The following TIA1 variants were observed in gnomAD, a reference collection of about 807,000 sequenced individuals.
The protein encoded by TIA1 is cytotoxic granule associated RNA binding protein TIA1.
Under a neutral mutation model 65.9 loss-of-function variants are expected in TIA1, and 23 were observed. That is an observed-to-expected ratio of 0.35 (90% confidence interval 0.25 to 0.49). The LOEUF (loss-of-function observed/expected upper bound fraction) is 0.49, where lower values mean the gene tolerates loss of function less well. Ranked by LOEUF, TIA1 falls within the 20% of genes least tolerant of loss-of-function variation. TIA1 has a pLI of 0.98. For missense variants in TIA1, 371 were observed against 477.9 expected, an observed-to-expected ratio of 0.78 and a Z score of 2.09; for synonymous variants, 147 against 149.4, an observed-to-expected ratio of 0.98 and a Z score of 0.12.
At chr2:70,235,398 A>C (rs1688376400) in intron 2 of TIA1, among the ~76,000 whole-genome samples, 1 of 152,154 alleles carries the variant, frequency 6.6e-6, no homozygotes, top group South Asian at 2.1e-4. Context: ...CTGGGCAACA[A>C]GAGCAAAACT....
intron 10 of TIA1, chr2:70,215,993 C>T: frequency 2.0e-6 from 1 of 503,790 alleles, no homozygotes; most frequent in South Asian, 2.6e-5. Context: ...TGACGGTGAT[C>T]CACCCGTCTC....
In TIA1 at chr2:70,211,156, CTT is replaced by C. The variant is rs1334561153; in HGVS notation, c.*1561_*1562del. 1 of 152,100 alleles carries C rather than the reference CTT, an allele frequency of 6.6e-6. No homozygotes were observed. Among genetic ancestry groups the C allele is most frequent in the Non-Finnish European group, 1.5e-5 (1 of 68,018 alleles). 9.4% of individuals were successfully genotyped at this position (152,100 alleles called of 1,614,324 possible). ...AAATATGTATACTGGGACCTTTCCT[CTT>C]GAGTAAAGGAAGAAGGAGGTTTGTG... On this transcript the variant is annotated 3_prime_UTR_variant, in exon 13 of 13. Transcript: ENST00000433529.
At chr2:70,222,574 T>C (rs896472374) in intron 7 of TIA1, among the ~76,000 whole-genome samples, 1 of 152,180 alleles carries the variant, frequency 6.6e-6, no homozygotes, top group African/African-American at 2.4e-5. Flanking sequence ...AAATTTTACA[T>C]AAGTTGAAAT....
chr2:70,221,861 C>G (rs1043236546), intron 7 of TIA1, among the ~76,000 whole-genome samples: 1 of 151,760 alleles, frequency 6.6e-6, no homozygotes, highest in African/African-American at 2.4e-5. Context: ...AATCTCAGCT[C>G]ACTGGATCCT....
In TIA1 at chr2:70,211,058, T is replaced by G. The variant is rs936363602; in HGVS notation, c.*1661A>C. On this transcript the variant is annotated 3_prime_UTR_variant, in exon 13 of 13. Transcript: ENST00000433529. ...GAAATGCAGGCCAGGAAACTTAAGA[T>G]TTTGCGGGCCTTTTCTGTTTCTAGG... 1 of 152,112 alleles carries G rather than the reference T, an allele frequency of 6.6e-6. No individual in the cohort carries two copies. Among genetic ancestry groups the G allele is most frequent in the Non-Finnish European group, 1.5e-5 (1 of 68,036 alleles). The allele number at this position is 152,112 out of a possible 1,614,324, so 9.4% of individuals were successfully genotyped here. A position where few individuals can be genotyped will look rare whatever the true frequency, so the allele number is the denominator to read the frequency against.
Position 70,216,919 on chromosome 2 carries a change from G to C in TIA1, c.550C>G (p.Arg184Gly), listed in dbSNP as rs1265803384. ...GTACTCTTTGGAGCGGGAGGCTTTC[G>C]GGTTGCCCAGTTAGTTCTGATTTGT... ...GRQIRTNWAT[R>G]KPPAPKSTYE... Residue 184 changes from arginine to glycine, a missense_variant, in exon 8 of 13, where the codon CGA (arginine) becomes GGA (glycine). Coordinates refer to ENST00000433529, the MANE Select transcript of TIA1 (RefSeq NM_022173.4). 3 of 1,613,844 alleles carry C rather than the reference G, an allele frequency of 1.9e-6. No homozygotes were observed. The highest frequency in any genetic ancestry group is 1.7e-5 in the Admixed American group (1 of 59,990).
Position 70,221,546 on chromosome 2 carries a change from G to C in TIA1, c.474+3008C>G, listed in dbSNP as rs557900348. Among the ~76,000 whole-genome samples, 196 of 152,026 alleles carry C rather than the reference G, an allele frequency of 1.3e-3. 1 individual carries two copies. The highest frequency in any genetic ancestry group is 2.5e-3 in the Non-Finnish European group (169 of 68,010). ...AATAGAGTGATGACACAGAATAGCA[G>C]TAATAACAAGAACAGCACATTATGA... On this transcript the variant is annotated intron_variant, in intron 7 of 12. Transcript: ENST00000433529.
In TIA1 at chr2:70,216,910, G is replaced by A. The variant is rs1290800782; in HGVS notation, c.559C>T (p.Pro187Ser). 2 of 1,613,894 alleles carry A rather than the reference G, an allele frequency of 1.2e-6. No homozygotes were observed. The highest frequency in any genetic ancestry group is 1.3e-5 in the African/African-American group (1 of 74,882). Residue 187 changes from proline to serine, a missense_variant, in exon 8 of 13, where the codon CCC (proline) becomes TCC (serine). Transcript: ENST00000433529. Reference protein sequence around the residue: ...IRTNWATRKPPAPKSTYESNT... With the variant: ...IRTNWATRKPSAPKSTYESNT... ...CACTCATATGTACTCTTTGGAGCGG[G>A]AGGCTTTCGGGTTGCCCAGTTAGTT...
chr2:70,215,692 G>T, intron 10 of TIA1, 198 bp from the exon 11 acceptor site: 1 of 514,342 alleles, frequency 1.9e-6, no homozygotes, highest in Non-Finnish European at 3.4e-6. Context: ...CACTGGCCTT[G>T]TGTTAGGGAG....
chr2:70,217,888 T>C (rs10519207), intron 7 of TIA1, among the ~76,000 whole-genome samples: 10,487 of 152,282 alleles, frequency 0.069, 401 homozygotes, highest in East Asian at 0.18. Flanking sequence ...GAGGTAGATA[T>C]CATAAAGTTC....
chr2:70,229,610 G>A (rs557574362), intron 3 of TIA1, among the ~76,000 whole-genome samples: 186 of 151,990 alleles, frequency 1.2e-3, no homozygotes, highest in Admixed American at 1.6e-3. Context: ...GAGTAATTCA[G>A]CAAATATTTT....
chr2:70,246,512 C>T (rs1255439483), intron 1 of TIA1, among the ~76,000 whole-genome samples: 1 of 152,094 alleles, frequency 6.6e-6, no homozygotes, highest in Non-Finnish European at 1.5e-5. Flanking sequence ...TACAGTATGA[C>T]TACTTTGAGG....
intron 5 of TIA1, chr2:70,228,601 C>T: frequency 9.0e-7 from 1 of 1,109,306 alleles, no homozygotes; most frequent in Non-Finnish European, 1.1e-6. Flanking sequence ...TTTAAAAATG[C>T]AAAATTGTTG....
chr2:70,217,074 G>A (rs1678915496), intron 7 of TIA1, 80 bp from the exon 8 acceptor site: 6 of 1,406,114 alleles, frequency 4.3e-6, no homozygotes, highest in Non-Finnish European at 5.6e-6. Flanking sequence ...GAGAAAACTT[G>A]GTGCTTTTCA....
intron 7 of TIA1, among the ~76,000 whole-genome samples, chr2:70,218,282 G>A (rs1270968059): frequency 1.3e-5 from 2 of 152,194 alleles, no homozygotes; most frequent in African/African-American, 2.4e-5. Flanking sequence ...GAAAAGTATT[G>A]CAAAGTGTGT....
chr2:70,231,275 C>T (rs1275991228), intron 2 of TIA1, among the ~76,000 whole-genome samples: 1 of 152,104 alleles, frequency 6.6e-6, no homozygotes, highest in Non-Finnish European at 1.5e-5. Flanking sequence ...GCACTCCAGC[C>T]TGGGCGACAG....
chr2:70,212,918 A>G, intron 12 of TIA1, 73 bp from the exon 13 acceptor site: 1 of 950,696 alleles, frequency 1.1e-6, no homozygotes, highest in Non-Finnish European at 1.7e-6. Flanking sequence ...GCAAGAACAA[A>G]CAACAAGAAC....
intron 7 of TIA1, 24 bp from the exon 8 acceptor site, chr2:70,217,018 A>G (rs1279115637): frequency 7.6e-6 from 12 of 1,588,250 alleles, no homozygotes; most frequent in Non-Finnish European, 1.0e-5. Flanking sequence ...CATTAGAAAC[A>G]ATAAAGAAGT....
chr2:70,247,523 C>T (rs1054593898), intron 1 of TIA1, among the ~76,000 whole-genome samples: 13 of 152,060 alleles, frequency 8.5e-5, no homozygotes, highest in African/African-American at 3.1e-4. Flanking sequence ...CCGAGAAATG[C>T]CAACAAAGGC....
Sources: gnomAD v4.1 joint callset for allele counts (sites outside exome capture counted in the v4.1 genomes callset) on GRCh38, gnomAD v4.1.1 for gene constraint, MANE v1.5 for transcripts, NCBI Gene and HGNC (gene_info 2026-07-23, HGNC 2026-07-21) for gene names.